The following OSGIN2 variants were observed in gnomAD, a reference collection of about 807,000 sequenced individuals.
The protein encoded by OSGIN2 is oxidative stress-induced growth inhibitor 2.
Under a neutral mutation model 53.8 loss-of-function variants are expected in OSGIN2, and 19 were observed. The ratio of observed to expected loss-of-function variants is 0.35; its 90% CI spans 0.25 to 0.52. The LOEUF is 0.52. Ranked by LOEUF, OSGIN2 falls within the 20% of genes least tolerant of loss-of-function variation. OSGIN2 has a pLI of 0.95. For synonymous variants in OSGIN2, 236 were observed against 236.0 expected (o/e 1.00, Z 0.00); for missense variants, 520 against 662.7 (o/e 0.78, Z 2.36).
Position 89,902,761 on chromosome 8 carries a change from G to C in OSGIN2, c.-33G>C. The stretch of plus-strand genomic sequence containing the variant: ...CGGGGGAGGCGGAGGCGGCCACGGC[G>C]GCCGCGCTCGGGCGCCCCTCGCGCA... On this transcript the variant is annotated 5_prime_UTR_variant, in exon 1 of 6. Transcript: ENST00000451899. 8.2e-7 allele frequency: 1 copy of C among 1,212,838 alleles called. No homozygotes were observed. The highest frequency in any genetic ancestry group is 4.1e-5 in the South Asian group (1 of 24,588). 75.1% of individuals were successfully genotyped at this position (1,212,838 alleles called of 1,614,324 possible).
Position 89,925,098 on chromosome 8 carries a change from A to G in OSGIN2, c.1216A>G (p.Thr406Ala). ...EYHKVYHMMC[T>A]QSYSVDSNLL... ...TCATAAAGTCTATCATATGATGTGTACTCAGTCATATTCTGTAGACTCAAA... is the reference window on the plus strand; with the variant it reads ...TCATAAAGTCTATCATATGATGTGTGCTCAGTCATATTCTGTAGACTCAAA... The change falls in exon 6 of 6, where the codon ACT becomes GCT. Residue 406 changes from threonine (T) to alanine (A), a missense_variant. By Grantham distance (58) the Thr-to-Ala change is moderately conservative (BLOSUM62 0). Transcript: ENST00000451899. 6.2e-7 allele frequency: 1 copy of G among 1,612,966 alleles called. No homozygotes were observed. Among genetic ancestry groups the G allele is most frequent in the Non-Finnish European group, 8.5e-7 (1 of 1,178,906 alleles).
chr8:89,916,129 T>C (rs1182475148), intron 4 of OSGIN2, among the ~76,000 whole-genome samples: 1 of 152,216 alleles, frequency 6.6e-6, no homozygotes, highest in Non-Finnish European at 1.5e-5. Flanking sequence ...ATAATGTATT[T>C]GGAAGTGGGG....
intron 2 of OSGIN2, among the ~76,000 whole-genome samples, chr8:89,912,458 G>C (rs189590580): frequency 6.6e-6 from 1 of 152,182 alleles, no homozygotes; most frequent in East Asian, 1.9e-4. Context: ...TTAGTCTCCT[G>C]ATAAAACTCC....
At chr8:89,902,874 G>C (rs1457578215) in intron 1 of OSGIN2, 37 bp downstream of exon 1, 9 of 1,329,742 alleles carry the variant, frequency 6.8e-6, no homozygotes, top group Non-Finnish European at 8.9e-6. Flanking sequence ...GGAGCAGGCG[G>C]GGATGCCGCG....
intron 2 of OSGIN2, among the ~76,000 whole-genome samples, chr8:89,913,209 T>C (rs1195813783): frequency 6.6e-6 from 1 of 152,188 alleles, no homozygotes; most frequent in Non-Finnish European, 1.5e-5. Context: ...GGCCTTTCAT[T>C]AGTTTTAGAA....
Sources: gnomAD v4.1 joint callset for allele counts (sites outside exome capture counted in the v4.1 genomes callset) on GRCh38, gnomAD v4.1.1 for gene constraint, MANE v1.5 for transcripts, NCBI Gene and HGNC (gene_info 2026-07-23, HGNC 2026-07-21) for gene names.